The following LUZP2 variants were observed in gnomAD, a reference collection of about 807,000 sequenced individuals.
LUZP2 encodes the protein leucine zipper protein 2.
A neutral mutation model predicts 51.6 loss-of-function variants in LUZP2; 52 were observed. The observed-to-expected ratio is 1.01, with a 90% confidence interval of 0.81 to 1.27. The LOEUF (loss-of-function observed/expected upper bound fraction) is 1.27. Among genes scored for constraint, LUZP2 ranks in the 50% most tolerant of loss-of-function variants. LUZP2 has a pLI of 0.00. For missense variants in LUZP2, 436 were observed against 395.4 expected (o/e 1.10, Z -0.87); for synonymous variants, 154 against 137.3 (o/e 1.12, Z -0.85).
intron 10 of LUZP2, among the ~76,000 whole-genome samples, chr11:25,068,295 C>T (rs1426734510): frequency 6.6e-6 from 1 of 151,876 alleles, no homozygotes; most frequent in African/African-American, 2.4e-5. Flanking sequence ...GTACATGTAT[C>T]CCAGAAGTTA....
intron 1 of LUZP2, among the ~76,000 whole-genome samples, chr11:24,661,829 A>T (rs1856031834): frequency 6.6e-6 from 1 of 152,134 alleles, no homozygotes; most frequent in South Asian, 2.1e-4. Flanking sequence ...TTTTCTTTGA[A>T]GTTGGTTAAT....
chr11:24,661,467 G>A (rs1856019271), intron 1 of LUZP2, among the ~76,000 whole-genome samples: 1 of 152,110 alleles, frequency 6.6e-6, no homozygotes, highest in African/African-American at 2.4e-5. Context: ...TGTTCAATGG[G>A]CTGCAGACAG....
chr11:24,932,811 G>T (rs1590747499), intron 7 of LUZP2, among the ~76,000 whole-genome samples: 3 of 152,136 alleles, frequency 2.0e-5, no homozygotes, highest in Non-Finnish European at 4.4e-5. Context: ...CCTTCTGTTT[G>T]CCTCTCTCTC....
At chr11:24,707,168 A>G (rs1857618163) in intron 1 of LUZP2, among the ~76,000 whole-genome samples, 1 of 152,242 alleles carries the variant, frequency 6.6e-6, no homozygotes, top group Non-Finnish European at 1.5e-5. Flanking sequence ...AATTTCAAAC[A>G]TAAAAATGAG....
intron 5 of LUZP2, among the ~76,000 whole-genome samples, chr11:24,860,706 G>T (rs1851714283): frequency 6.6e-6 from 1 of 152,094 alleles, no homozygotes; most frequent in Admixed American, 6.5e-5. Context: ...CTATACAAAA[G>T]AAGGACCTGA....
chr11:25,057,160 G>A (rs1206898648), intron 10 of LUZP2, among the ~76,000 whole-genome samples: 1 of 152,062 alleles, frequency 6.6e-6, no homozygotes, highest in African/African-American at 2.4e-5. Flanking sequence ...CCATATCATA[G>A]ATATCCTTAT....
intron 9 of LUZP2, among the ~76,000 whole-genome samples, chr11:25,015,429 C>T (rs776574157): frequency 6.6e-6 from 1 of 152,142 alleles, no homozygotes; most frequent in Non-Finnish European, 1.5e-5. Flanking sequence ...TTACTAATAT[C>T]CTTTTCCTAT....
intron 1 of LUZP2, among the ~76,000 whole-genome samples, chr11:24,515,691 G>A (rs1850442684): frequency 6.6e-6 from 1 of 152,128 alleles, no homozygotes; most frequent in Non-Finnish European, 1.5e-5. Context: ...GAAGAGAATA[G>A]CAATGTGAAA....
At chr11:24,992,569 A>C (rs1856381686) in intron 9 of LUZP2, among the ~76,000 whole-genome samples, 1 of 152,168 alleles carries the variant, frequency 6.6e-6, no homozygotes, top group South Asian at 2.1e-4. Context: ...TGTGATATAC[A>C]GAAACTATTC....
intron 9 of LUZP2, among the ~76,000 whole-genome samples, chr11:25,015,006 G>T (rs913687838): frequency 6.6e-6 from 1 of 152,040 alleles, no homozygotes; most frequent in African/African-American, 2.4e-5. Context: ...ATTAAATAGG[G>T]AATCCTTTCC....
At chr11:25,025,815 A>C (rs190796241) in intron 9 of LUZP2, among the ~76,000 whole-genome samples, 17 of 152,310 alleles carry the variant, frequency 1.1e-4, no homozygotes, top group African/African-American at 3.6e-4. Context: ...AGGATTATAA[A>C]TCATGCTGCT....
At chr11:24,540,233 A>G (rs530651916) in intron 1 of LUZP2, among the ~76,000 whole-genome samples, 60 of 152,238 alleles carry the variant, frequency 3.9e-4, no homozygotes, top group Non-Finnish European at 6.3e-4. Context: ...ATACGTTAGA[A>G]GCCCACAAGT....
rs543816042 is a variant in LUZP2, at chr11:24,949,464, G to A, written c.523-27127G>A. On this transcript the variant is annotated intron_variant, in intron 7 of 11. Transcript: ENST00000336930. Reference sequence around the variant, plus strand: ...AGTTTAATTTAAGCAAGTAATTTAAGCAAGAAAATTTATAAAACATTTTGA... The same window carrying A: ...AGTTTAATTTAAGCAAGTAATTTAAACAAGAAAATTTATAAAACATTTTGA... Among the ~76,000 whole-genome samples, 5 of 151,620 alleles carry A rather than the reference G, an allele frequency of 3.3e-5. No individual in the cohort carries two copies. The South Asian group carries it at 1.0e-3, about 31-fold the overall frequency.
At chr11:25,059,106 G>A (rs1858765018) in intron 10 of LUZP2, among the ~76,000 whole-genome samples, 1 of 152,050 alleles carries the variant, frequency 6.6e-6, no homozygotes, top group East Asian at 1.9e-4. Flanking sequence ...AATAGTTTTT[G>A]TTGGTAGAAT....
chr11:24,941,014 T>G (rs1418193446), intron 7 of LUZP2, among the ~76,000 whole-genome samples: 1 of 152,202 alleles, frequency 6.6e-6, no homozygotes, highest in Non-Finnish European at 1.5e-5. Flanking sequence ...TCCCTCTTTT[T>G]CATTTTGCTC....
At chr11:24,929,360 A>T (rs1416667821) in intron 7 of LUZP2, among the ~76,000 whole-genome samples, 1 of 152,074 alleles carries the variant, frequency 6.6e-6, no homozygotes, top group African/African-American at 2.4e-5. Flanking sequence ...ATTTAATGCT[A>T]TGAACTTTCC....
intron 1 of LUZP2, among the ~76,000 whole-genome samples, chr11:24,597,341 A>G (rs975792234): frequency 6.6e-6 from 1 of 152,150 alleles, no homozygotes; most frequent in Non-Finnish European, 1.5e-5. Context: ...CACTCTATTG[A>G]TATACAGTAA....
intron 1 of LUZP2, among the ~76,000 whole-genome samples, chr11:24,559,449 A>G (rs1338704439): frequency 6.6e-6 from 1 of 152,200 alleles, no homozygotes; most frequent in Non-Finnish European, 1.5e-5. Context: ...TGAAAGCATT[A>G]ACCTTGCTCA....
In LUZP2 at chr11:24,658,680, C is replaced by A. The variant is rs528278253; in HGVS notation, c.63-70489C>A. 5.9e-5 allele frequency among the ~76,000 whole-genome samples: 9 copies of A among 152,160 alleles called. No homozygotes were observed. The South Asian group carries it at 1.7e-3, about 28-fold the overall frequency. ...AAATTTTTGCAATCTACTCATCTGA[C>A]AAAGGGCTAATATCCAGAATCTACA... On this transcript the variant is annotated intron_variant, in intron 1 of 11. Transcript: ENST00000336930.
Sources: gnomAD v4.1 joint callset for allele counts (sites outside exome capture counted in the v4.1 genomes callset) on GRCh38, gnomAD v4.1.1 for gene constraint, MANE v1.5 for transcripts, NCBI Gene and HGNC (gene_info 2026-07-23, HGNC 2026-07-21) for gene names.